FGD5: variants seen among roughly 807,000 people sequenced by gnomAD.
FGD5 encodes FYVE, RhoGEF and PH domain-containing protein 5.
In FGD5, 28 loss-of-function variants were observed where a neutral mutation model predicts 133.4. The ratio of observed to expected loss-of-function variants is 0.21; its 90% CI spans 0.16 to 0.29. The LOEUF (loss-of-function observed/expected upper bound fraction) is 0.29, where lower values mean the gene tolerates loss of function less well. FGD5 is among the 10% of genes least tolerant of loss of function. The pLI is 1.00. For synonymous variants in FGD5, 810 were observed against 776.5 expected (o/e 1.04, Z -0.72); for missense variants, 1,858 against 1,895.2 (o/e 0.98, Z 0.36).
rs375883289 is a variant in FGD5, at chr3:14,812,103, C to G, written c.13+1238C>G. Among the ~76,000 whole-genome samples, 62 of 151,964 alleles carry G rather than the reference C, an allele frequency of 4.1e-4. No individual in the cohort carries two copies. The South Asian group carries it at 0.013, about 32-fold the overall frequency. The stretch of plus-strand genomic sequence containing the variant: ...TAATGAAAAAAAGTCATTGTTTTAG[C>G]AGTGAGGTGCAGGCTGCGCGTTTAG... On this transcript the variant is annotated intron_variant, in intron 1 of 1. Coordinates refer to the FGD5 transcript ENST00000640506.
chr3:14,888,291 C>G (rs1369667189), intron 4 of FGD5, among the ~76,000 whole-genome samples: 1 of 152,148 alleles, frequency 6.6e-6, no homozygotes, highest in African/African-American at 2.4e-5. Context: ...CTGAGCAAAT[C>G]TGAAGTCGAA....
intron 11 of FGD5, among the ~76,000 whole-genome samples, chr3:14,915,531 T>C (rs1323593707): frequency 1.3e-5 from 2 of 151,832 alleles, no homozygotes; most frequent in Non-Finnish European, 2.9e-5. Context: ...GTGTAGAGCG[T>C]TCACTTTGGT....
At position 14,819,687 on chromosome 3, in the gene FGD5, C is replaced by T. The variant is rs1423507500; in HGVS notation, c.616C>T (p.Pro206Ser). 7 of 1,537,696 alleles carry T rather than the reference C, an allele frequency of 4.6e-6. No homozygotes were observed. The highest frequency in any genetic ancestry group is 3.4e-4 in the Middle Eastern group (2 of 5,854). Residue 206 changes from proline to serine, a missense_variant, in exon 1 of 20, where the codon CCC becomes TCC. By Grantham distance (74) the Pro-to-Ser change is moderately conservative. Coordinates refer to ENST00000285046, the MANE Select transcript of FGD5 (RefSeq NM_152536.4). The surrounding 1 kb of genome is among the most constrained non-coding windows in gnomAD (Gnocchi z 4.1). ...LPHIHGEDQEPPDTPGEAEED... is the reference protein window; with the variant it reads ...LPHIHGEDQESPDTPGEAEED... ...TCACATCCATGGAGAGGACCAGGAG[C>T]CCCCCGACACCCCCGGGGAGGCAGA...
intron 1 of FGD5, among the ~76,000 whole-genome samples, chr3:14,842,366 C>G (rs377650525): frequency 2.0e-5 from 3 of 152,200 alleles, no homozygotes; most frequent in Non-Finnish European, 2.9e-5. Context: ...TAAACCCCCA[C>G]CGGATCCCCA....
chr3:14,819,466 G>A lies in FGD5; in HGVS notation c.395G>A (p.Ser132Asn), dbSNP rs2036437260. 2 of 1,551,090 alleles carry A rather than the reference G, an allele frequency of 1.3e-6. No homozygotes were observed. The highest frequency in any genetic ancestry group is 1.7e-6 in the Non-Finnish European group (2 of 1,146,934). ...GCTGCTCCGGGTGCAGGAGCGCTGA[G>A]CAGGGAGGGTGAGGAAGGCACAGAC... is the stretch of plus-strand genomic sequence containing the variant. ...APAAPGAGAL[S>N]REGEEGTDLA... Residue 132 changes from serine to asparagine, a missense_variant, in exon 1 of 20, where the codon AGC (serine) becomes AAC (asparagine). Coordinates refer to ENST00000285046, the MANE Select transcript of FGD5 (RefSeq NM_152536.4). This position sits in a 1 kb window ranked among gnomAD's most constrained non-coding sequence, Gnocchi z 4.1.
chr3:14,932,415 C>A, intron 18 of FGD5, 162 bp from the exon 19 acceptor site: 1 of 713,772 alleles, frequency 1.4e-6, no homozygotes, highest in Non-Finnish European at 2.2e-6. Context: ...AGGGCTGGCT[C>A]TGGGGGGAAG....
chr3:14,885,929 A>G (rs1204498710), intron 4 of FGD5, among the ~76,000 whole-genome samples: 4 of 152,248 alleles, frequency 2.6e-5, no homozygotes, highest in Non-Finnish European at 4.4e-5. Context: ...AAGACAGTCT[A>G]CTACAGAAGT....
chr3:14,853,633 T>G (rs2037210417), intron 1 of FGD5, among the ~76,000 whole-genome samples: 2 of 129,444 alleles, frequency 1.5e-5, no homozygotes, highest in Non-Finnish European at 3.2e-5. Flanking sequence ...GGGAAAAGCG[T>G]TCCTTTTTTT....
intron 2 of FGD5, among the ~76,000 whole-genome samples, chr3:14,869,674 A>G (rs1475012437): frequency 2.6e-5 from 4 of 152,244 alleles, no homozygotes; most frequent in Non-Finnish European, 5.9e-5. Flanking sequence ...GGGACTTCAC[A>G]TGAGTGGAAT....
chr3:14,817,231 T>C (rs2036383865), upstream of FGD5, among the ~76,000 whole-genome samples: 1 of 152,236 alleles, frequency 6.6e-6, no homozygotes, highest in South Asian at 2.1e-4. Context: ...GTTTTGCTCT[T>C]GTCACCCAGG....
At chr3:14,894,674 ATTTTTTTTT>A in intron 4 of FGD5, among the ~76,000 whole-genome samples, 1 of 128,328 alleles carries the variant, frequency 7.8e-6, no homozygotes, top group African/African-American at 3.0e-5. Context: ...GGTCCAGCTA[ATTTTTTTTT>A]TTTTTTTTTT....
At chr3:14,865,011 G>A (rs77399107) in intron 2 of FGD5, among the ~76,000 whole-genome samples, 14,163 of 152,148 alleles carry the variant, frequency 0.093, 819 homozygotes, top group East Asian at 0.3. Context: ...ACTGGTAGGT[G>A]GCATCCCAGG....
At position 14,880,869 on chromosome 3, in the gene FGD5, A is replaced by G. The variant is rs576542457; in HGVS notation, c.2748+97A>G. ...CAATGTGGAGACAGAGGTGATTTCC[A>G]TTAACAGAGGCCTGGCAGCAGGCAG... On this transcript the variant is annotated intron_variant, in intron 4 of 19. Coordinates refer to ENST00000285046, the MANE Select transcript of FGD5 (RefSeq NM_152536.4). 1.4e-3 allele frequency: 2,047 copies of G among 1,479,868 alleles called. 4 individuals carry two copies. The highest frequency in any genetic ancestry group is 1.8e-3 in the Non-Finnish European group (1,916 of 1,080,760). The allele number at this position is 1,479,868 out of a possible 1,614,324, so 91.7% of individuals were successfully genotyped here. A position where few individuals can be genotyped will look rare whatever the true frequency, so the allele number is the denominator to read the frequency against.
intron 1 of FGD5, among the ~76,000 whole-genome samples, chr3:14,861,282 T>C (rs1382919396): frequency 2.0e-5 from 3 of 152,196 alleles, no homozygotes; most frequent in Admixed American, 2.0e-4. Context: ...GAATGTCTGA[T>C]GTTATGTAAC....
At chr3:14,824,665 C>T (rs2036569700) in intron 1 of FGD5, among the ~76,000 whole-genome samples, 1 of 152,180 alleles carries the variant, frequency 6.6e-6, no homozygotes, top group Non-Finnish European at 1.5e-5. Context: ...TTCACCTTTC[C>T]TGGACTTCAT....
At chr3:14,889,113 T>C (rs1176330429) in intron 4 of FGD5, among the ~76,000 whole-genome samples, 1 of 152,110 alleles carries the variant, frequency 6.6e-6, no homozygotes, top group East Asian at 1.9e-4. Flanking sequence ...TTTAACTTGG[T>C]GCTGAGGGCA....
rs570556315 is a variant in FGD5 at position 14,851,121 on chromosome 3, A to G, written c.2526-13007A>G. On this transcript the variant is annotated intron_variant, in intron 1 of 19. Coordinates refer to ENST00000285046, the MANE Select transcript of FGD5 (RefSeq NM_152536.4). ...GGTGACAGAGGTGGGACCAGAACCC[A>G]GGTCTGTAAGCGTTGAGGAGCTCTG... Among the ~76,000 whole-genome samples the G allele has an allele frequency of 4.0e-4, 61 of 151,588 alleles. No individual in the cohort carries two copies. The South Asian group carries it at 0.011, about 28-fold the overall frequency.
intron 1 of FGD5, among the ~76,000 whole-genome samples, chr3:14,849,385 C>G (rs1294584113): frequency 6.6e-6 from 1 of 152,140 alleles, no homozygotes; most frequent in Non-Finnish European, 1.5e-5. Context: ...GACAGTGAAC[C>G]GAATGAATGG....
At chr3:14,895,590 A>G (rs1575239326) in intron 4 of FGD5, among the ~76,000 whole-genome samples, 1 of 151,916 alleles carries the variant, frequency 6.6e-6, no homozygotes, top group South Asian at 2.1e-4. Flanking sequence ...TGTTTGTTTT[A>G]TGAGACAGGG....
Sources: gnomAD v4.1 joint callset for allele counts (sites outside exome capture counted in the v4.1 genomes callset) on GRCh38, gnomAD v4.1.1 for gene constraint, Gnocchi (gnomAD v3.1) non-coding constraint, MANE v1.5 for transcripts, NCBI Gene and HGNC (gene_info 2026-07-23, HGNC 2026-07-21) for gene names.